Variants in C12orf42 observed in about 807,000 individuals in gnomAD.
C12orf42 encodes chromosome 12 open reading frame 42.
Under a neutral mutation model 21.6 loss-of-function variants are expected in C12orf42, and 25 were observed. The observed-to-expected ratio is 1.16, with a 90% CI of 0.84 to 1.62. C12orf42 has a LOEUF of 1.62. Ranked by LOEUF, C12orf42 falls within the 40% of genes most tolerant of loss-of-function variation. The probability of loss-of-function intolerance (pLI) is 0.00; values close to 1 mark genes in which losing one functional copy is unlikely to be tolerated. For synonymous variants in C12orf42, 174 were observed against 175.0 expected, an observed-to-expected ratio of 0.99 and a Z score of 0.05; for missense variants, 483 against 459.3, an observed-to-expected ratio of 1.05 and a Z score of -0.47.
rs116166619 is a variant in C12orf42, at chr12:103,334,975, C to G, written c.260-28630G>C. On this transcript the variant is annotated intron_variant, in intron 4 of 5. Coordinates refer to ENST00000548883, the MANE Select transcript of C12orf42 (RefSeq NM_198521.5). The stretch of plus-strand genomic sequence containing the variant: ...CTCTGTCCTCTCCTTTGCTTTGCCC[C>G]CTTTCAAGTAGGTGACAGTCTGGAG... Among the ~76,000 whole-genome samples, 737 of 152,216 alleles carry G rather than the reference C, an allele frequency of 4.8e-3. 9 individuals are homozygous for G. The highest frequency in any genetic ancestry group is 0.017 in the African/African-American group (698 of 41,518).
At chr12:103,525,168 C>T in the C12orf42 span, among the ~76,000 whole-genome samples, 4 of 152,096 alleles carry the variant, frequency 2.6e-5, no homozygotes, top group Admixed American at 1.3e-4. Context: ...CAGGCATGTG[C>T]CACCAGACCC....
chr12:103,392,773 A>G (rs906117173), intron 3 of C12orf42, among the ~76,000 whole-genome samples: 2 of 152,256 alleles, frequency 1.3e-5, no homozygotes, highest in Non-Finnish European at 2.9e-5. Context: ...CACTTGCATT[A>G]GCAGCCAGAC....
chr12:103,355,138 C>A (rs2043420679), intron 4 of C12orf42, among the ~76,000 whole-genome samples: 1 of 152,040 alleles, frequency 6.6e-6, no homozygotes, highest in African/African-American at 2.4e-5. Flanking sequence ...AGTATTCCCC[C>A]TTTGAGAAAA....
the C12orf42 span, among the ~76,000 whole-genome samples, chr12:103,154,295 C>A: frequency 2.0e-5 from 3 of 151,906 alleles, no homozygotes; most frequent in Non-Finnish European, 2.9e-5. Context: ...ATTCATCAAC[C>A]TATGTAATTG....
intron 2 of C12orf42, among the ~76,000 whole-genome samples, chr12:103,403,526 T>C (rs76023899): frequency 0.016 from 2,454 of 152,302 alleles, 68 homozygotes; most frequent in African/African-American, 0.052. Context: ...CACACAACCA[T>C]GTAGTGACAA....
At chr12:103,542,383 T>C in the C12orf42 span, among the ~76,000 whole-genome samples, 5 of 152,226 alleles carry the variant, frequency 3.3e-5, no homozygotes, top group Admixed American at 1.3e-4. Flanking sequence ...AAGTCTCCAG[T>C]ACAAATGAAA....
the C12orf42 span, among the ~76,000 whole-genome samples, chr12:103,507,519 T>A: frequency 1.3e-5 from 2 of 148,934 alleles, no homozygotes; most frequent in East Asian, 2.0e-4. Flanking sequence ...AAAAAAAAAA[T>A]TGTTTTTTAT....
chr12:103,485,329 A>G (rs1333425168), intron 1 of C12orf42, among the ~76,000 whole-genome samples: 3 of 152,132 alleles, frequency 2.0e-5, no homozygotes, highest in South Asian at 4.1e-4. Flanking sequence ...CCATTGGTCT[A>G]TGTATCTGTT....
chr12:103,165,572 C>T, the C12orf42 span, among the ~76,000 whole-genome samples: 1 of 152,108 alleles, frequency 6.6e-6, no homozygotes, highest in Admixed American at 6.5e-5. Context: ...AACTAATGGA[C>T]TATCTCCTTC....
the C12orf42 span, among the ~76,000 whole-genome samples, chr12:103,508,769 T>C: frequency 6.6e-6 from 1 of 152,174 alleles, no homozygotes; most frequent in African/African-American, 2.4e-5. Context: ...ACAGAAACAC[T>C]TGGTTTCAAG....
the C12orf42 span, among the ~76,000 whole-genome samples, chr12:103,521,468 G>A: frequency 2.6e-5 from 4 of 152,212 alleles, no homozygotes; most frequent in African/African-American, 9.6e-5. Context: ...CTTATAAGTG[G>A]GAGCTGAACA....
chr12:103,328,281 G>T (rs898869293), intron 4 of C12orf42, among the ~76,000 whole-genome samples: 7 of 151,988 alleles, frequency 4.6e-5, no homozygotes, highest in Admixed American at 2.6e-4. Context: ...GCTCTAATAG[G>T]ACTCATTCAA....
chr12:103,506,919 A>T, the C12orf42 span, among the ~76,000 whole-genome samples: 1 of 22,746 alleles, frequency 4.4e-5, no homozygotes, highest in Non-Finnish European at 6.8e-5. Context: ...ATATATATTT[A>T]TATATTATAT....
At chr12:103,107,139 G>C in the C12orf42 span, among the ~76,000 whole-genome samples, 1 of 151,928 alleles carries the variant, frequency 6.6e-6, no homozygotes, top group East Asian at 1.9e-4. Context: ...ACTTGATATA[G>C]ATAATGACAG....
chr12:103,222,341 GC>G, the C12orf42 span, among the ~76,000 whole-genome samples: 1 of 152,106 alleles, frequency 6.6e-6, no homozygotes, highest in Non-Finnish European at 1.5e-5. Flanking sequence ...CAGTGGGGGT[GC>G]TTTTTGAGCC....
At chr12:103,059,633 C>G in the C12orf42 span, among the ~76,000 whole-genome samples, 4 of 152,278 alleles carry the variant, frequency 2.6e-5, no homozygotes, top group South Asian at 8.3e-4. Context: ...CCACCATGAT[C>G]AAGTCAGCTT....
the C12orf42 span, among the ~76,000 whole-genome samples, chr12:103,096,230 T>C: frequency 1.5e-3 from 226 of 152,328 alleles, 1 homozygote; most frequent in Non-Finnish European, 2.1e-3. Context: ...ATTACAAGGT[T>C]TGTAAAGGCA....
At chr12:103,467,019 G>C (rs1483060242) in intron 2 of C12orf42, among the ~76,000 whole-genome samples, 1 of 152,162 alleles carries the variant, frequency 6.6e-6, no homozygotes, top group Admixed American at 6.5e-5. Context: ...ACCCACAGCT[G>C]ACCACAGACA....
the C12orf42 span, chr12:103,549,535 G>A: frequency 6.6e-6 from 1 of 152,136 alleles, no homozygotes; most frequent in East Asian, 1.9e-4. Flanking sequence ...ACAGATAGAT[G>A]ACTTTCTTTA....
Sources: gnomAD v4.1 joint callset for allele counts (sites outside exome capture counted in the v4.1 genomes callset) on GRCh38, gnomAD v4.1.1 for gene constraint, MANE v1.5 for transcripts, NCBI Gene and HGNC (gene_info 2026-07-23, HGNC 2026-07-21) for gene names.